RBFOX1: variants seen among roughly 807,000 people sequenced by gnomAD.
RBFOX1 encodes RNA binding protein fox-1 homolog 1.
In RBFOX1, 8 loss-of-function variants were observed where a neutral mutation model predicts 57.7. That is an observed-to-expected ratio of 0.14 (90% confidence interval 0.08 to 0.25). The LOEUF (loss-of-function observed/expected upper bound fraction) is 0.25. RBFOX1 is among the 10% of genes least tolerant of loss of function. The probability of loss-of-function intolerance (pLI) is 1.00; values close to 1 mark genes in which losing one functional copy is unlikely to be tolerated. For synonymous variants in RBFOX1, 326 were observed against 222.4 expected, an observed-to-expected ratio of 1.47 and a Z score of -4.15; for missense variants, 611 against 548.5, an observed-to-expected ratio of 1.11 and a Z score of -1.14.
intron 3 of RBFOX1, among the ~76,000 whole-genome samples, chr16:6,817,150 A>G (rs1256058128): frequency 6.6e-6 from 1 of 152,176 alleles, no homozygotes; most frequent in African/African-American, 2.4e-5. Context: ...CAACCTGCTG[A>G]GTAAAGGCTG....
intron 4 of RBFOX1, among the ~76,000 whole-genome samples, chr16:7,303,058 G>A (rs1181435008): frequency 1.3e-5 from 2 of 152,208 alleles, no homozygotes; most frequent in East Asian, 3.9e-4. Context: ...TGAGAGGAGC[G>A]GGTGTTCTGG....
At chr16:6,037,250 T>A (rs2095377031) in intron 1 of RBFOX1, 1 of 152,170 alleles carries the variant, frequency 6.6e-6, no homozygotes, top group South Asian at 2.1e-4. Flanking sequence ...TCTTAAAACA[T>A]TGAATTGAGT....
intron 9 of RBFOX1, among the ~76,000 whole-genome samples, chr16:7,603,907 T>C (rs1336223713): frequency 6.6e-6 from 1 of 152,138 alleles, no homozygotes; most frequent in Non-Finnish European, 1.5e-5. Flanking sequence ...TTGGTCACCA[T>C]GACCAGAATG....
chr16:7,335,728 CT>C (rs1163248929), intron 4 of RBFOX1, among the ~76,000 whole-genome samples: 10 of 151,982 alleles, frequency 6.6e-5, no homozygotes, highest in African/African-American at 2.4e-4. Context: ...CATACAGGAT[CT>C]TTTATTCCAA....
At chr16:6,170,237 C>T (rs113184298) in intron 1 of RBFOX1, among the ~76,000 whole-genome samples, 78 of 152,188 alleles carry the variant, frequency 5.1e-4, no homozygotes, top group African/African-American at 1.6e-3. Flanking sequence ...CTATGAAAGC[C>T]GTGTTCATGT....
chr16:6,694,588 A>T (rs1419881491), intron 3 of RBFOX1, among the ~76,000 whole-genome samples: 1 of 150,864 alleles, frequency 6.6e-6, no homozygotes, highest in African/African-American at 2.5e-5. Flanking sequence ...GCTTGGGTGC[A>T]GGAACTCAGT....
chr16:6,053,431 A>G (rs2095577364), intron 1 of RBFOX1, among the ~76,000 whole-genome samples: 1 of 152,172 alleles, frequency 6.6e-6, no homozygotes, highest in South Asian at 2.1e-4. Context: ...AGAGAGAGTG[A>G]TAAGGTAAGT....
intron 4 of RBFOX1, among the ~76,000 whole-genome samples, chr16:7,406,968 T>C (rs2098353327): frequency 6.6e-6 from 1 of 152,182 alleles, no homozygotes; most frequent in African/African-American, 2.4e-5. Context: ...TGCCTCTGCG[T>C]TTGTATGTCC....
At position 6,450,773 on chromosome 16, in the gene RBFOX1, A is replaced by G. The variant is rs1205639663; in HGVS notation, c.-64+133716A>G. Among the ~76,000 whole-genome samples, 11 of 38,552 alleles carry G rather than the reference A, an allele frequency of 2.9e-4. 1 individual carries two copies. Among genetic ancestry groups the G allele is most frequent in the Admixed American group, 1.2e-3 (4 of 3,296 alleles). The allele number at this position is 38,552 out of a possible 152,430, so 25.3% of individuals were successfully genotyped here. On this transcript the variant is annotated intron_variant, in intron 2 of 15. Transcript: ENST00000550418. ...TATATACATATATATATGTGTATAT[A>G]TATATATATATATATACATATATAT...
At chr16:6,661,656 C>T (rs981403482) in intron 3 of RBFOX1, among the ~76,000 whole-genome samples, 1 of 152,048 alleles carries the variant, frequency 6.6e-6, no homozygotes, top group Non-Finnish European at 1.5e-5. Context: ...AGAGACTGGC[C>T]CTGGGTGAAT....
intron 3 of RBFOX1, among the ~76,000 whole-genome samples, chr16:5,820,689 C>G (rs982617799): frequency 2.1e-4 from 32 of 152,160 alleles, no homozygotes; most frequent in Admixed American, 2.0e-4. Flanking sequence ...CAGCGTTACC[C>G]TGAATTGTTG....
At chr16:5,643,164 GA>G in intron 3 of RBFOX1, among the ~76,000 whole-genome samples, 1 of 152,010 alleles carries the variant, frequency 6.6e-6, no homozygotes, top group Non-Finnish European at 1.5e-5. Context: ...CGGTAGGCAT[GA>G]AAAAAAATGA....
intron 2 of RBFOX1, among the ~76,000 whole-genome samples, chr16:6,383,782 A>AAG (rs1299269112): frequency 6.6e-6 from 1 of 151,752 alleles, no homozygotes; most frequent in African/African-American, 2.4e-5. Flanking sequence ...AAAAAAAAAA[A>AAG]GAAAAGAAAA....
At chr16:7,488,619 A>T (rs533818640) in intron 4 of RBFOX1, among the ~76,000 whole-genome samples, 45 of 152,194 alleles carry the variant, frequency 3.0e-4, no homozygotes, top group African/African-American at 1.1e-3. Context: ...TTACACACCT[A>T]TCTACTATTT....
intron 3 of RBFOX1, among the ~76,000 whole-genome samples, chr16:6,933,702 G>C (rs561373162): frequency 1.3e-5 from 2 of 152,240 alleles, no homozygotes; most frequent in South Asian, 2.1e-4. Flanking sequence ...GGGACAGCAC[G>C]AGACTGCGTC....
At chr16:7,373,822 A>T (rs144934635) in intron 4 of RBFOX1, among the ~76,000 whole-genome samples, 2 of 152,302 alleles carry the variant, frequency 1.3e-5, no homozygotes, top group East Asian at 3.9e-4. Context: ...TTTTTTCAAG[A>T]AGATGGACAC....
intron 3 of RBFOX1, among the ~76,000 whole-genome samples, chr16:6,731,108 C>T (rs1374997298): frequency 6.6e-6 from 1 of 152,112 alleles, no homozygotes; most frequent in African/African-American, 2.4e-5. Context: ...TTATATTCCT[C>T]CCTTGGAAAG....
chr16:5,420,934 T>TC (rs2067305231), intron 1 of RBFOX1, among the ~76,000 whole-genome samples: 2 of 62,992 alleles, frequency 3.2e-5, no homozygotes, highest in African/African-American at 1.3e-4. Context: ...CTCCTCCCCC[T>TC]CCCCTTCCTC....
At position 6,154,096 on chromosome 16, in the gene RBFOX1, G is replaced by C. The variant is rs538910934; in HGVS notation, c.-127+134104G>C. 9.8e-5 allele frequency among the ~76,000 whole-genome samples: 15 copies of C among 152,312 alleles called. No individual in the cohort carries two copies. The South Asian group carries it at 3.1e-3, about 32-fold the overall frequency. ...TAGCCTGGTGATTCACACAGGAAGG[G>C]TTTTGAAATCAGATGTTCCTGCGTC... On this transcript the variant is annotated intron_variant, in intron 1 of 15. Coordinates refer to ENST00000550418, the MANE Select transcript of RBFOX1 (RefSeq NM_018723.4).
Sources: gnomAD v4.1 joint callset for allele counts (sites outside exome capture counted in the v4.1 genomes callset) on GRCh38, gnomAD v4.1.1 for gene constraint, MANE v1.5 for transcripts, NCBI Gene and HGNC (gene_info 2026-07-23, HGNC 2026-07-21) for gene names.